GNAO1: variants seen among roughly 807,000 people sequenced by gnomAD.
The protein encoded by GNAO1 is G protein subunit alpha o1.
For missense variants in GNAO1, 166 were observed against 478.7 expected (o/e 0.35, Z 6.10); for synonymous variants, 164 against 180.7 (o/e 0.91, Z 0.74).
intron 2 of GNAO1, among the ~76,000 whole-genome samples, chr16:56,229,027 T>C (rs1320699551): frequency 2.6e-5 from 4 of 152,244 alleles, no homozygotes; most frequent in African/African-American, 9.6e-5. Context: ...TATATATTTG[T>C]TGATTGAATG....
intron 2 of GNAO1, among the ~76,000 whole-genome samples, chr16:56,252,452 C>T (rs1440350073): frequency 6.6e-6 from 1 of 152,224 alleles, no homozygotes; most frequent in Non-Finnish European, 1.5e-5. Context: ...GTGCCTTGCT[C>T]AGAGCACAAG....
At chr16:56,291,356 A>G (rs2037230411) in intron 3 of GNAO1, among the ~76,000 whole-genome samples, 1 of 152,182 alleles carries the variant, frequency 6.6e-6, no homozygotes, top group African/African-American at 2.4e-5. Context: ...TTCCCCAGTG[A>G]TTAATGATAT....
intron 3 of GNAO1, among the ~76,000 whole-genome samples, chr16:56,325,767 T>G (rs1175785258): frequency 6.6e-6 from 1 of 152,126 alleles, no homozygotes. Flanking sequence ...GGGATAGGGC[T>G]CACAGGACAG....
rs576785782 is a variant in GNAO1, at chr16:56,354,193, C to T, written c.878-673C>T. 6.6e-6 allele frequency among the ~76,000 whole-genome samples: 1 copy of T among 152,340 alleles called. No individual in the cohort carries two copies. Among genetic ancestry groups the T allele is most frequent in the South Asian group, 2.1e-4 (1 of 4,820 alleles). ...AGCAGGATTGGTTTAGACCATGGGG[C>T]GGTGCCTCAATTTGCTCATCTAGGA... On this transcript the variant is annotated intron_variant, in intron 7 of 8. Transcript: ENST00000262493. The surrounding 1 kb of genome is among the most constrained non-coding windows in gnomAD (Gnocchi z 4.3).
intron 2 of GNAO1, among the ~76,000 whole-genome samples, chr16:56,249,436 T>C (rs1809348): frequency 0.46 from 69,678 of 151,912 alleles, 16,270 homozygotes; most frequent in East Asian, 0.58. Context: ...TTCCTGGCAT[T>C]GACAGACAAT....
At chr16:56,342,870 T>C (rs1567492269) in intron 6 of GNAO1, among the ~76,000 whole-genome samples, 1 of 152,190 alleles carries the variant, frequency 6.6e-6, no homozygotes, top group Non-Finnish European at 1.5e-5. Context: ...CCCAGCACTT[T>C]GGGAGGCCGA....
intron 3 of GNAO1, among the ~76,000 whole-genome samples, chr16:56,289,781 C>G (rs1355083525): frequency 6.6e-6 from 1 of 152,126 alleles, no homozygotes; most frequent in Admixed American, 6.5e-5. Flanking sequence ...GCCCACTCCT[C>G]AAACCCAGAG....
At chr16:56,291,407 C>T (rs2037231030) in intron 3 of GNAO1, among the ~76,000 whole-genome samples, 1 of 152,160 alleles carries the variant, frequency 6.6e-6, no homozygotes, top group African/African-American at 2.4e-5. Flanking sequence ...GGTGTATTTT[C>T]TTCAGAGAAA....
chr16:56,255,254 G>A (rs759110774), intron 2 of GNAO1, among the ~76,000 whole-genome samples: 3 of 152,072 alleles, frequency 2.0e-5, no homozygotes, highest in South Asian at 2.1e-4. Flanking sequence ...TACTCCTCAC[G>A]GTTTCCTGAC....
At chr16:56,225,659 G>T (rs748130738) in intron 2 of GNAO1, among the ~76,000 whole-genome samples, 9 of 152,062 alleles carry the variant, frequency 5.9e-5, no homozygotes, top group Non-Finnish European at 1.2e-4. Context: ...TAAAACAGGG[G>T]TATAAAAATG....
At position 56,343,343 on chromosome 16, in the gene GNAO1, A is replaced by ATAG. The variant is rs1184926304; in HGVS notation, c.723+6485_723+6486insGTA. 5.4e-5 allele frequency among the ~76,000 whole-genome samples: 8 copies of ATAG among 147,592 alleles called. No homozygotes were observed. The East Asian group carries it at 1.2e-3, about 22-fold the overall frequency. On this transcript the variant is annotated intron_variant, in intron 6 of 8. Coordinates refer to ENST00000262493, the MANE Select transcript of GNAO1 (RefSeq NM_020988.3). ...ATCTGTATTAAAAATAATAATAATA[A>ATAG]TAATAATAAGCCAGGTGTGGTTTCC...
intron 3 of GNAO1, among the ~76,000 whole-genome samples, chr16:56,305,898 G>A (rs1432625513): frequency 6.6e-6 from 1 of 152,118 alleles, no homozygotes; most frequent in Non-Finnish European, 1.5e-5. Flanking sequence ...CAGTCCTATT[G>A]GATTAGAACC....
Position 56,334,874 on chromosome 16 carries a change from C to A in GNAO1, c.593+17C>A, listed in dbSNP as rs778086425. On this transcript the variant is annotated intron_variant, in intron 5 of 8. Coordinates refer to ENST00000262493, the MANE Select transcript of GNAO1 (RefSeq NM_020988.3). Reference sequence around the variant, plus strand: ...CCACTTCAGGTGAGGCCCAGAGAGGCCCCCAGGCCCTGGCGAGGGCTAAGA... The same window carrying A: ...CCACTTCAGGTGAGGCCCAGAGAGGACCCCAGGCCCTGGCGAGGGCTAAGA... 21 of 1,612,772 alleles carry A rather than the reference C, an allele frequency of 1.3e-5. No individual in the cohort carries two copies. Among genetic ancestry groups the A allele is most frequent in the Non-Finnish European group, 1.6e-5 (19 of 1,179,218 alleles).
chr16:56,305,723 A>G (rs1379647511), intron 3 of GNAO1, among the ~76,000 whole-genome samples: 1 of 152,166 alleles, frequency 6.6e-6, no homozygotes, highest in African/African-American at 2.4e-5. Context: ...CCGTCATAAC[A>G]AAGCATAATC....
intron 2 of GNAO1, among the ~76,000 whole-genome samples, chr16:56,239,908 G>C (rs890718600): frequency 2.0e-5 from 3 of 152,324 alleles, no homozygotes; most frequent in South Asian, 4.1e-4. Context: ...CTTGGGGTAG[G>C]GGGTGCAGGT....
intron 7 of GNAO1, chr16:56,352,700 G>A (rs1047684705): frequency 6.6e-6 from 1 of 152,336 alleles, no homozygotes; most frequent in Non-Finnish European, 1.5e-5. Context: ...GTGTGAAGAA[G>A]GGCTGTCAGC....
chr16:56,346,156 G>A, intron 6 of GNAO1: 2 of 985,468 alleles, frequency 2.0e-6, no homozygotes, highest in Non-Finnish European at 2.4e-6. Context: ...CCTGGGGGTG[G>A]TCCTTGGTCC....
At chr16:56,200,507 T>TGAGGAAGTGAGGTTC (rs1271943122) in intron 2 of GNAO1, among the ~76,000 whole-genome samples, 2 of 152,330 alleles carry the variant, frequency 1.3e-5, no homozygotes, top group East Asian at 3.9e-4. Context: ...ATTTTACAGA[T>TGAGGAAGTGAGGTTC]GAGGAAGTGA....
intron 2 of GNAO1, among the ~76,000 whole-genome samples, chr16:56,231,213 C>A (rs1443989266): frequency 6.6e-6 from 1 of 152,190 alleles, no homozygotes; most frequent in Non-Finnish European, 1.5e-5. Flanking sequence ...CAGGCCCAGA[C>A]CTTGACTGGC....
Sources: allele counts gnomAD v4.1 joint callset (sites outside exome capture counted in the v4.1 genomes callset), GRCh38; gene constraint gnomAD v4.1.1; non-coding constraint Gnocchi (gnomAD v3.1); transcripts MANE v1.5; gene names NCBI Gene and HGNC (gene_info 2026-07-23, HGNC 2026-07-21).